ELP4: variants seen among roughly 807,000 people sequenced by gnomAD.
ELP4 encodes the protein elongator complex protein 4.
Under a neutral mutation model 48.9 loss-of-function variants are expected in ELP4, and 51 were observed. The ratio of observed to expected loss-of-function variants is 1.04; its 90% CI spans 0.83 to 1.32. The LOEUF (loss-of-function observed/expected upper bound fraction) is 1.32, where lower values mean the gene tolerates loss of function less well. ELP4 is among the 40% of genes most tolerant of loss of function. ELP4 has a pLI of 0.00. For missense variants in ELP4, 519 were observed against 514.6 expected, an observed-to-expected ratio of 1.01 and a Z score of -0.08; for synonymous variants, 210 against 189.2, an observed-to-expected ratio of 1.11 and a Z score of -0.90.
chr11:31,649,794 T>C, intron 8 of ELP4: 1 of 204,496 alleles, frequency 4.9e-6, no homozygotes, highest in Non-Finnish European at 9.7e-6. Flanking sequence ...GATAGCCATA[T>C]TTGCTTACTG....
chr11:31,689,444 TA>T (rs35318641), intron 9 of ELP4: 84,400 of 132,416 alleles, frequency 0.64, 28,006 homozygotes, highest in Non-Finnish European at 0.75. Flanking sequence ...AACCTGTCTT[TA>T]AAAAAAAAAA....
chr11:31,566,007 A>G (rs1290818328), intron 3 of ELP4, among the ~76,000 whole-genome samples: 1 of 152,180 alleles, frequency 6.6e-6, no homozygotes, highest in Non-Finnish European at 1.5e-5. Flanking sequence ...AACCATGAGC[A>G]TGGAATGTTC....
At chr11:31,650,260 T>A (rs755892937) in intron 9 of ELP4, 39 bp downstream of exon 9, 2 of 670,504 alleles carry the variant, frequency 3.0e-6, no homozygotes, top group Non-Finnish European at 5.3e-6. Context: ...AATCTTGAGA[T>A]AAACTTATTT....
chr11:31,775,741 C>T (rs868223022), intron 9 of ELP4, among the ~76,000 whole-genome samples: 18 of 152,092 alleles, frequency 1.2e-4, no homozygotes, highest in South Asian at 4.2e-4. Flanking sequence ...CTGAGATGGG[C>T]GGATCATGAG....
chr11:31,718,059 AG>A (rs1319306603), intron 9 of ELP4, among the ~76,000 whole-genome samples: 2 of 152,092 alleles, frequency 1.3e-5, no homozygotes, highest in Admixed American at 1.3e-4. Context: ...AGCCTCCCAA[AG>A]TGCTGGGATT....
At chr11:31,721,514 CT>C (rs1281327055) in intron 9 of ELP4, among the ~76,000 whole-genome samples, 1 of 151,490 alleles carries the variant, frequency 6.6e-6, no homozygotes, top group Non-Finnish European at 1.5e-5. Context: ...CTTTCTAAAA[CT>C]GTGTATTCAA....
chr11:31,781,470 C>A (rs1348611254), intron 9 of ELP4, among the ~76,000 whole-genome samples: 1 of 144,828 alleles, frequency 6.9e-6, no homozygotes, highest in Non-Finnish European at 1.5e-5. Flanking sequence ...ACCATACCTG[C>A]CTTTTGGATT....
chr11:31,643,576 C>G (rs558744373), intron 7 of ELP4, among the ~76,000 whole-genome samples: 1 of 151,936 alleles, frequency 6.6e-6, no homozygotes, highest in East Asian at 1.9e-4. Context: ...AAGTAGATAT[C>G]TGAACCATTT....
At position 31,781,812 on chromosome 11, in the gene ELP4, C is replaced by T. The variant is rs956529243; in HGVS notation, c.1144-1581C>T. Among the ~76,000 whole-genome samples the T allele has an allele frequency of 2.0e-5, 3 of 152,122 alleles. 1 individual carries two copies. The highest frequency in any genetic ancestry group is 7.2e-5 in the African/African-American group (3 of 41,424). Reference sequence around the variant, plus strand: ...GTGCCTGGCCGATTCCTGAGCCTTTCATACCTTTGTTTCTGCCTGAAATCT... The same window carrying T: ...GTGCCTGGCCGATTCCTGAGCCTTTTATACCTTTGTTTCTGCCTGAAATCT... On this transcript the variant is annotated intron_variant, in intron 9 of 9. Coordinates refer to ENST00000640961, the MANE Select transcript of ELP4 (RefSeq NM_019040.5).
At chr11:31,611,762 G>A (rs1957984371) in intron 5 of ELP4, among the ~76,000 whole-genome samples, 2 of 152,078 alleles carry the variant, frequency 1.3e-5, no homozygotes, top group African/African-American at 2.4e-5. Context: ...TGTAGCTTAC[G>A]GTCCAATAAG....
Position 31,790,300 on chromosome 11 carries a change from T to C in ELP4, c.*6776T>C. 1.6e-6 allele frequency: 1 copy of C among 624,896 alleles called. No individual in the cohort carries two copies. Among genetic ancestry groups the C allele is most frequent in the Non-Finnish European group, 2.4e-6 (1 of 417,538 alleles). The allele number at this position is 624,896 out of a possible 1,614,324, so 38.7% of individuals were successfully genotyped here. A position where few individuals can be genotyped will look rare whatever the true frequency, so the allele number is the denominator to read the frequency against. On this transcript the variant is annotated 3_prime_UTR_variant, in exon 10 of 10. Coordinates refer to ENST00000640961, the MANE Select transcript of ELP4 (RefSeq NM_019040.5). ...CTGTTTGTTTGCATGTTTGGAACTTTTACAATAAAGCTGTCTCTGGAAAAC... is the reference window on the plus strand; with the variant it reads ...CTGTTTGTTTGCATGTTTGGAACTTCTACAATAAAGCTGTCTCTGGAAAAC...
At chr11:31,532,561 G>T (rs1301692966) in intron 2 of ELP4, among the ~76,000 whole-genome samples, 1 of 151,982 alleles carries the variant, frequency 6.6e-6, no homozygotes, top group African/African-American at 2.4e-5. Context: ...ACTTTAAGTA[G>T]TACTGATCTG....
intron 1 of ELP4, chr11:31,511,472 C>T (rs1956004984): frequency 6.6e-6 from 1 of 152,042 alleles, no homozygotes; most frequent in Admixed American, 6.5e-5. Context: ...TTAGTAGATT[C>T]TCAGTAAGTT....
chr11:31,522,702 T>A (rs1228380594), intron 2 of ELP4, among the ~76,000 whole-genome samples: 2 of 152,198 alleles, frequency 1.3e-5, no homozygotes, highest in African/African-American at 4.8e-5. Context: ...TTTGTAGCTA[T>A]TATTAGATTG....
At chr11:31,771,318 A>G (rs556694794) in intron 9 of ELP4, among the ~76,000 whole-genome samples, 5 of 152,264 alleles carry the variant, frequency 3.3e-5, no homozygotes, top group Non-Finnish European at 7.3e-5. Context: ...TGTCTCTTGT[A>G]GAATATGCAT....
chr11:31,524,528 C>G (rs1956268115), intron 2 of ELP4, among the ~76,000 whole-genome samples: 1 of 152,174 alleles, frequency 6.6e-6, no homozygotes, highest in Non-Finnish European at 1.5e-5. Context: ...GAAGCAAGTT[C>G]CACATTCTGC....
At chr11:31,638,666 A>G (rs1407105814) in intron 7 of ELP4, among the ~76,000 whole-genome samples, 6 of 151,934 alleles carry the variant, frequency 3.9e-5, no homozygotes, top group Non-Finnish European at 7.4e-5. Flanking sequence ...TTAATGTATT[A>G]GAGCTTTGAA....
Position 31,700,226 on chromosome 11 carries a change from TAAA to T in ELP4, c.1143+50012_1143+50014del, listed in dbSNP as rs200851212. On this transcript the variant is annotated intron_variant, in intron 9 of 9. Coordinates refer to ENST00000640961, the MANE Select transcript of ELP4 (RefSeq NM_019040.5). ...GCTTAGGGGAGTGTATCTATTTTTT[TAAA>T]AAAAAAGAAAAATGGAGCAAATGAA... Among the ~76,000 whole-genome samples, 3 of 150,538 alleles carry T rather than the reference TAAA, an allele frequency of 2.0e-5. No homozygotes were observed. The South Asian group carries it at 6.3e-4, about 32-fold the overall frequency.
chr11:31,704,464 A>G (rs1428607674), intron 9 of ELP4, among the ~76,000 whole-genome samples: 1 of 151,880 alleles, frequency 6.6e-6, no homozygotes, highest in African/African-American at 2.4e-5. Flanking sequence ...AGGAAGGGGA[A>G]TATCACACAC....
Sources: gnomAD v4.1 joint callset for allele counts (sites outside exome capture counted in the v4.1 genomes callset) on GRCh38, gnomAD v4.1.1 for gene constraint, MANE v1.5 for transcripts, NCBI Gene and HGNC (gene_info 2026-07-23, HGNC 2026-07-21) for gene names.